The following MLPH variants were observed in gnomAD, a reference collection of about 807,000 sequenced individuals.
MLPH encodes exophilin-3.
MLPH carries 51 observed loss-of-function variants against 72.1 expected under a neutral mutation model. The observed-to-expected ratio is 0.71, with a 90% CI of 0.56 to 0.89. The LOEUF is 0.89. Ranked by LOEUF, MLPH falls within the 40% of genes least tolerant of loss-of-function variation. The pLI is 0.00. For synonymous variants in MLPH, 301 were observed against 310.1 expected, an observed-to-expected ratio of 0.97 and a Z score of 0.31; for missense variants, 743 against 759.9, an observed-to-expected ratio of 0.98 and a Z score of 0.26.
intron 12 of MLPH, chr2:237,545,373 T>G: frequency 1.8e-6 from 2 of 1,120,584 alleles, no homozygotes; most frequent in Non-Finnish European, 2.3e-6. Context: ...ACATCCGGCC[T>G]GAGTTTCCTC....
chr2:237,513,373 C>T (rs1044179615), intron 4 of MLPH, among the ~76,000 whole-genome samples: 96 of 152,096 alleles, frequency 6.3e-4, no homozygotes, highest in African/African-American at 2.2e-3. Context: ...TACCCCCGTG[C>T]CTTCCCTTCC....
At chr2:237,501,020 A>G (rs539185546) in intron 2 of MLPH, among the ~76,000 whole-genome samples, 3 of 151,772 alleles carry the variant, frequency 2.0e-5, no homozygotes, top group Admixed American at 2.0e-4. Context: ...TAACCCCCAC[A>G]GAGCTTCCAT....
chr2:237,546,778 T>G, intron 13 of MLPH, 95 bp downstream of exon 13: 3 of 1,016,504 alleles, frequency 3.0e-6, no homozygotes, highest in South Asian at 2.5e-5. Flanking sequence ...GTGGCAGAGA[T>G]GCAATGTCCT....
At chr2:237,540,558 A>C in intron 10 of MLPH, 25 bp downstream of exon 10, 2 of 1,602,194 alleles carry the variant, frequency 1.2e-6, no homozygotes, top group Non-Finnish European at 1.7e-6. Flanking sequence ...CAGAGGTCTC[A>C]GCAGGACCCT....
intron 6 of MLPH, among the ~76,000 whole-genome samples, chr2:237,524,178 T>G (rs1251293370): frequency 6.6e-6 from 1 of 151,678 alleles, no homozygotes; most frequent in African/African-American, 2.4e-5. Context: ...AATGCGATTA[T>G]TAGTAGTAAT....
chr2:237,531,369 A>G (rs143503716), intron 8 of MLPH, among the ~76,000 whole-genome samples: 3,694 of 152,212 alleles, frequency 0.024, 58 homozygotes, highest in Middle Eastern at 0.044. Context: ...GGGTGAGGCC[A>G]GCATAGAGAC....
intron 6 of MLPH, among the ~76,000 whole-genome samples, chr2:237,521,682 C>A (rs13418641): frequency 0.17 from 25,472 of 152,210 alleles, 2,374 homozygotes; most frequent in African/African-American, 0.23. Flanking sequence ...TTGATAGATT[C>A]TTTTCTATTG....
chr2:237,527,359 C>G lies in MLPH; in HGVS notation c.881-18C>G. 6.2e-7 allele frequency: 1 copy of G among 1,614,170 alleles called. No homozygotes were observed. The highest frequency in any genetic ancestry group is 1.1e-5 in the South Asian group (1 of 91,082). ...AGGTTTTCACTGCAAGTAATTCAAA[C>G]CCACTCTCGCTCTGAAGGGTCGAAT... On this transcript the variant is annotated intron_variant, in intron 7 of 15. Transcript: ENST00000264605.
chr2:237,502,423 G>C (rs2079671810), intron 2 of MLPH, among the ~76,000 whole-genome samples: 1 of 152,150 alleles, frequency 6.6e-6, no homozygotes, highest in Non-Finnish European at 1.5e-5. Context: ...GCCTCCTCCT[G>C]GGCACCCTGG....
intron 1 of MLPH, among the ~76,000 whole-genome samples, chr2:237,490,941 C>T (rs894733355): frequency 4.6e-5 from 7 of 152,154 alleles, no homozygotes; most frequent in South Asian, 4.1e-4. Context: ...GAAATGTTGA[C>T]GAATGGGTGC....
At chr2:237,503,156 T>G (rs2079687710) in intron 2 of MLPH, among the ~76,000 whole-genome samples, 1 of 152,140 alleles carries the variant, frequency 6.6e-6, no homozygotes, top group South Asian at 2.1e-4. Flanking sequence ...AAATCCATTT[T>G]TTTGATCATA....
At chr2:237,540,603 G>A in intron 10 of MLPH, 70 bp downstream of exon 10, 1 of 1,548,954 alleles carries the variant, frequency 6.5e-7, no homozygotes, top group Non-Finnish European at 8.7e-7. Context: ...AGTCCCAGCT[G>A]GCAGCCACCC....
chr2:237,494,568 G>C (rs1195039271), intron 2 of MLPH, among the ~76,000 whole-genome samples: 1 of 152,166 alleles, frequency 6.6e-6, no homozygotes, highest in East Asian at 1.9e-4. Flanking sequence ...TTTGCAGGCA[G>C]AGCCAGCAAG....
At position 237,527,588 on chromosome 2, in the gene MLPH, A is replaced by G. The variant is rs564485616; in HGVS notation, c.1020+72A>G. 22 of 1,589,744 alleles carry G rather than the reference A, an allele frequency of 1.4e-5. No homozygotes were observed. The African/African-American group carries it at 2.6e-4, about 18-fold the overall frequency. On this transcript the variant is annotated intron_variant, in intron 8 of 15. Transcript: ENST00000264605. ...AGTCTTTTTACCTCCACACCAAGTC[A>G]CTTTAGAGAAATTACAGCTTTTAAT...
intron 2 of MLPH, among the ~76,000 whole-genome samples, chr2:237,506,022 C>T (rs1048130282): frequency 6.6e-6 from 1 of 152,198 alleles, no homozygotes; most frequent in African/African-American, 2.4e-5. Flanking sequence ...TGTCTCCCAT[C>T]GCTTAGTCCC....
intron 8 of MLPH, among the ~76,000 whole-genome samples, chr2:237,528,662 G>A (rs1216976856): frequency 6.6e-6 from 1 of 151,864 alleles, no homozygotes. Context: ...TTCAGTGACA[G>A]TACATTTACA....
intron 9 of MLPH, among the ~76,000 whole-genome samples, chr2:237,539,038 G>A (rs368198718): frequency 6.6e-6 from 1 of 152,216 alleles, no homozygotes; most frequent in Non-Finnish European, 1.5e-5. Context: ...CAAGATGGGC[G>A]AGGCAGGGGC....
chr2:237,509,646 T>C (rs1377008282), intron 2 of MLPH, among the ~76,000 whole-genome samples: 2 of 152,238 alleles, frequency 1.3e-5, no homozygotes, highest in African/African-American at 2.4e-5. Flanking sequence ...TCTTGGTTTT[T>C]GAAGCTATGA....
At chr2:237,550,710 A>G (rs1179334432) in intron 14 of MLPH, among the ~76,000 whole-genome samples, 3 of 151,864 alleles carry the variant, frequency 2.0e-5, no homozygotes, top group African/African-American at 7.3e-5. Flanking sequence ...CCACCATGCT[A>G]GGCTAATTTT....
Sources: allele counts gnomAD v4.1 joint callset (sites outside exome capture counted in the v4.1 genomes callset), GRCh38; gene constraint gnomAD v4.1.1; transcripts MANE v1.5; gene names NCBI Gene and HGNC (gene_info 2026-07-23, HGNC 2026-07-21).